Variants in SMOC1 observed in about 807,000 individuals in gnomAD.
SMOC1 encodes the protein SPARC-related modular calcium-binding protein 1.
Under a neutral mutation model 56.3 loss-of-function variants are expected in SMOC1, and 22 were observed. The ratio of observed to expected loss-of-function variants is 0.39; its 90% CI spans 0.28 to 0.56. The LOEUF is 0.56. Ranked by LOEUF, SMOC1 falls within the 20% of genes least tolerant of loss-of-function variation. The pLI, the probability that SMOC1 is intolerant of heterozygous loss-of-function variation, is 0.61. For missense variants in SMOC1, 509 were observed against 565.4 expected, an observed-to-expected ratio of 0.90 and a Z score of 1.01; for synonymous variants, 193 against 215.0, an observed-to-expected ratio of 0.90 and a Z score of 0.89.
At chr14:69,953,321 G>A (rs1245684673) in intron 2 of SMOC1, 99 bp from the exon 3 acceptor site, 3 of 1,085,060 alleles carry the variant, frequency 2.8e-6, no homozygotes, top group Non-Finnish European at 4.3e-6. Context: ...GTTGTGTGTG[G>A]GCTCCCGCAC....
rs1368282898 is a variant in SMOC1, at chr14:70,027,261, C to G, written c.1292-2981C>G. ...CACCACTGCTGGCGCTTGGCCCAGC[C>G]TCAGGATTCCTGGGCCAGACTGCTG... On this transcript the variant is annotated intron_variant, in intron 11 of 11. Transcript: ENST00000361956. Among the ~76,000 whole-genome samples, 5 of 152,316 alleles carry G rather than the reference C, an allele frequency of 3.3e-5. No homozygotes were observed. The East Asian group carries it at 7.7e-4, about 24-fold the overall frequency.
At chr14:69,995,090 G>A (rs533672159) in intron 7 of SMOC1, among the ~76,000 whole-genome samples, 1 of 152,332 alleles carries the variant, frequency 6.6e-6, no homozygotes, top group Admixed American at 6.5e-5. Flanking sequence ...AGCGAAATCT[G>A]TATCTCTATC....
intron 11 of SMOC1, among the ~76,000 whole-genome samples, chr14:70,026,042 A>T (rs1305631099): frequency 1.3e-5 from 2 of 152,190 alleles, no homozygotes. Flanking sequence ...CTCTCTCTCA[A>T]TTCCTAACCT....
intron 3 of SMOC1, among the ~76,000 whole-genome samples, chr14:69,956,448 C>CAT (rs1883188841): frequency 7.6e-6 from 1 of 130,806 alleles, no homozygotes; most frequent in East Asian, 2.2e-4. Flanking sequence ...CTTAGCTGGG[C>CAT]TTTTTTTTTT....
intron 3 of SMOC1, among the ~76,000 whole-genome samples, chr14:69,954,299 C>T (rs1443498337): frequency 6.6e-6 from 1 of 152,112 alleles, no homozygotes; most frequent in Non-Finnish European, 1.5e-5. Flanking sequence ...CCACCCACAC[C>T]TCCTGAATAG....
intron 8 of SMOC1, 79 bp downstream of exon 8, chr14:70,011,025 C>A (rs1325873206): frequency 6.5e-7 from 1 of 1,538,770 alleles, no homozygotes; most frequent in Non-Finnish European, 8.9e-7. Flanking sequence ...GTGTTCCTGC[C>A]CTGGTCTGGT....
rs559365770 is a variant in SMOC1, at chr14:69,976,502, C to T, written c.478+688C>T. 3.3e-5 allele frequency among the ~76,000 whole-genome samples: 5 copies of T among 152,268 alleles called. No individual in the cohort carries two copies. The East Asian group carries it at 9.6e-4, about 29-fold the overall frequency. On this transcript the variant is annotated intron_variant, in intron 4 of 11. Transcript: ENST00000361956. The stretch of plus-strand genomic sequence containing the variant: ...TAGCAAACTATTGCTTTATAGTGAT[C>T]CATTGGGTTAGGCCATAGCAAAAAT...
intron 11 of SMOC1, among the ~76,000 whole-genome samples, chr14:70,024,571 A>G (rs1885855214): frequency 6.6e-6 from 1 of 152,084 alleles, no homozygotes. Context: ...TGAGTAGGAG[A>G]TGGCCAAGCA....
chr14:69,918,341 G>T (rs747649008), intron 1 of SMOC1, among the ~76,000 whole-genome samples: 74 of 151,902 alleles, frequency 4.9e-4, no homozygotes, highest in Non-Finnish European at 9.6e-4. Flanking sequence ...TGATCCTCCT[G>T]CCTCCACCTC....
intron 5 of SMOC1, among the ~76,000 whole-genome samples, chr14:69,985,681 A>T (rs1884339328): frequency 6.6e-6 from 1 of 152,176 alleles, no homozygotes; most frequent in South Asian, 2.1e-4. Context: ...CCCATCTGGG[A>T]TGTGAATCAT....
In SMOC1 at chr14:69,889,494, T is replaced by G. The variant is rs115815711; in HGVS notation, c.99+9717T>G. ...AGAGGCAGACAGACTTAAGTGTGAG[T>G]CTGGCTCTGCTGTTGGGCACCCGGG... On this transcript the variant is annotated intron_variant, in intron 1 of 11. Transcript: ENST00000361956. Among the ~76,000 whole-genome samples the G allele has an allele frequency of 8.4e-3, 1,283 of 152,288 alleles. 20 individuals carry two copies. Among genetic ancestry groups the G allele is most frequent in the African/African-American group, 0.03 (1,234 of 41,558 alleles).
chr14:69,879,804 A>G lies in SMOC1; in HGVS notation c.99+27A>G, dbSNP rs1329446167. On this transcript the variant is annotated intron_variant, in intron 1 of 11. Transcript: ENST00000361956. ...TAAGTGCGCCCCCAGCTTTGCGCCCACCTGCGGAGGGAGGGGAGGTTGCTT... is the reference window on the plus strand; with the variant it reads ...TAAGTGCGCCCCCAGCTTTGCGCCCGCCTGCGGAGGGAGGGGAGGTTGCTT... 4 of 1,561,386 alleles carry G rather than the reference A, an allele frequency of 2.6e-6. No homozygotes were observed. In the Admixed American group the frequency reaches 7.3e-5, roughly 28 times the overall value.
At chr14:69,897,227 C>A (rs1884123824) in intron 1 of SMOC1, among the ~76,000 whole-genome samples, 1 of 152,194 alleles carries the variant, frequency 6.6e-6, no homozygotes. Flanking sequence ...AACCACACAC[C>A]ATCCCGCCAG....
chr14:69,969,822 G>A (rs1328345322), intron 3 of SMOC1, among the ~76,000 whole-genome samples: 2 of 152,186 alleles, frequency 1.3e-5, no homozygotes, highest in African/African-American at 2.4e-5. Context: ...TATTTGGCCA[G>A]AGGACACCTT....
chr14:70,018,672 AG>A (rs1396019935), intron 10 of SMOC1, among the ~76,000 whole-genome samples: 1 of 152,212 alleles, frequency 6.6e-6, no homozygotes, highest in Non-Finnish European at 1.5e-5. Flanking sequence ...CTTCTAGAGC[AG>A]GGGAACCCTC....
At chr14:69,885,633 A>G (rs1468548584) in intron 1 of SMOC1, 13 of 1,470,794 alleles carry the variant, frequency 8.8e-6, no homozygotes, top group Non-Finnish European at 1.2e-5. Flanking sequence ...AGGGCAGGCA[A>G]GAAGACAACC....
At chr14:69,939,346 G>T (rs1277461127) in intron 1 of SMOC1, among the ~76,000 whole-genome samples, 1 of 152,184 alleles carries the variant, frequency 6.6e-6, no homozygotes, top group Non-Finnish European at 1.5e-5. Flanking sequence ...TATCTTGTGA[G>T]ATTTATTCAC....
chr14:69,918,177 A>T (rs1884736202), intron 1 of SMOC1, among the ~76,000 whole-genome samples: 1 of 152,232 alleles, frequency 6.6e-6, no homozygotes, highest in Admixed American at 6.5e-5. Flanking sequence ...CATTATAATT[A>T]ACTAGAGTTG....
chr14:69,985,741 C>T (rs1039534822), intron 5 of SMOC1, among the ~76,000 whole-genome samples: 1 of 152,126 alleles, frequency 6.6e-6, no homozygotes, highest in Non-Finnish European at 1.5e-5. Flanking sequence ...GACTTGGGGC[C>T]AGCTCTGTTA....
Sources: gnomAD v4.1 joint callset for allele counts (sites outside exome capture counted in the v4.1 genomes callset) on GRCh38, gnomAD v4.1.1 for gene constraint, MANE v1.5 for transcripts, NCBI Gene and HGNC (gene_info 2026-07-23, HGNC 2026-07-21) for gene names.